The following ATP8A2 variants were observed in gnomAD, a reference collection of about 807,000 sequenced individuals.
ATP8A2 encodes ATPase phospholipid transporting 8A2.
ATP8A2 carries 100 observed loss-of-function variants against 165.6 expected under a neutral mutation model. The ratio of observed to expected loss-of-function variants is 0.60; its 90% CI spans 0.51 to 0.71. The LOEUF (loss-of-function observed/expected upper bound fraction) is 0.71, where lower values mean the gene tolerates loss of function less well. Among genes scored for constraint, ATP8A2 ranks in the 30% least tolerant of loss-of-function variants. ATP8A2 has a pLI of 0.00. For missense variants in ATP8A2, 1,227 were observed against 1,479.5 expected, an observed-to-expected ratio of 0.83 and a Z score of 2.80; for synonymous variants, 543 against 548.8, an observed-to-expected ratio of 0.99 and a Z score of 0.15.
chr13:25,465,666 T>TCTTCCTTC (rs1491248215), intron 1 of ATP8A2, among the ~76,000 whole-genome samples: 288 of 4,392 alleles, frequency 0.066, 14 homozygotes, highest in Middle Eastern at 0.25. Context: ...TGCAGAGTTT[T>TCTTCCTTC]CTTTCTTTCT....
chr13:25,952,180 A>G (rs1293793423), intron 33 of ATP8A2, among the ~76,000 whole-genome samples: 1 of 152,124 alleles, frequency 6.6e-6, no homozygotes, highest in Non-Finnish European at 1.5e-5. Context: ...AATACGTTGA[A>G]CTGAGATGCC....
At position 25,372,317 on chromosome 13, in the gene ATP8A2, G is replaced by A; in HGVS notation, c.76+29G>A. 2.1e-6 allele frequency: 3 copies of A among 1,437,244 alleles called. No individual in the cohort carries two copies. The highest frequency in any genetic ancestry group is 1.5e-5 in the African/African-American group (1 of 66,896). The allele number at this position is 1,437,244 out of a possible 1,614,324, so 89.0% of individuals were successfully genotyped here. On this transcript the variant is annotated intron_variant, in intron 1 of 36. Transcript: ENST00000381655. This position sits in a 1 kb window ranked among gnomAD's most constrained non-coding sequence, Gnocchi z 4.8. Reference sequence around the variant, plus strand: ...AGCTGGGAGGGGCGCGGCGAGGGAGGGTGGGCCCGGGGCGGGGGCGGCGCG... The same window carrying A: ...AGCTGGGAGGGGCGCGGCGAGGGAGAGTGGGCCCGGGGCGGGGGCGGCGCG...
intron 2 of ATP8A2, among the ~76,000 whole-genome samples, chr13:25,506,699 G>C (rs1315372482): frequency 2.6e-5 from 4 of 152,136 alleles, no homozygotes; most frequent in Admixed American, 6.5e-5. Context: ...CTGTGACACT[G>C]TGACACTATA....
At chr13:25,535,447 G>A (rs2038247359) in intron 6 of ATP8A2, among the ~76,000 whole-genome samples, 1 of 152,124 alleles carries the variant, frequency 6.6e-6, no homozygotes, top group African/African-American at 2.4e-5. Flanking sequence ...TCAGGGATCT[G>A]GAAGGTTTCT....
chr13:25,726,791 C>T (rs1483175361), intron 25 of ATP8A2, among the ~76,000 whole-genome samples: 2 of 152,092 alleles, frequency 1.3e-5, no homozygotes, highest in East Asian at 1.9e-4. Flanking sequence ...ACTACAGTTG[C>T]CTTGAAAGGA....
At chr13:25,775,783 A>G (rs1051362190) in intron 27 of ATP8A2, among the ~76,000 whole-genome samples, 1 of 152,168 alleles carries the variant, frequency 6.6e-6, no homozygotes, top group Non-Finnish European at 1.5e-5. Context: ...ACTATGGGTT[A>G]TTTTATATCT....
chr13:25,848,572 A>G (rs55913934), intron 30 of ATP8A2, among the ~76,000 whole-genome samples: 17,905 of 152,284 alleles, frequency 0.12, 1,438 homozygotes, highest in Non-Finnish European at 0.18. Flanking sequence ...CAAAAGTGAA[A>G]AAAGAGAAAG....
At chr13:25,590,294 A>G (rs1472887972) in intron 24 of ATP8A2, among the ~76,000 whole-genome samples, 1 of 152,088 alleles carries the variant, frequency 6.6e-6, no homozygotes, top group African/African-American at 2.4e-5. Flanking sequence ...CCGTGGTGGC[A>G]TATGCCTGTA....
chr13:26,000,435 CAA>C (rs1258323651), intron 35 of ATP8A2, among the ~76,000 whole-genome samples: 2 of 152,148 alleles, frequency 1.3e-5, no homozygotes, highest in Non-Finnish European at 2.9e-5. Flanking sequence ...AATGTGGACA[CAA>C]GAGTTTATTT....
At chr13:25,907,364 AAAATAAAATAAAAT>A (rs1371640985) in intron 33 of ATP8A2, among the ~76,000 whole-genome samples, 2 of 75,574 alleles carry the variant, frequency 2.6e-5, no homozygotes, top group African/African-American at 1.3e-4. Flanking sequence ...AATAAATAAA[AAAATAAAATAAAAT>A]AAAATAAAAT....
At chr13:25,833,443 T>C (rs892287793) in intron 28 of ATP8A2, among the ~76,000 whole-genome samples, 2 of 152,134 alleles carry the variant, frequency 1.3e-5, no homozygotes, top group Non-Finnish European at 2.9e-5. Context: ...AGTAGACTTA[T>C]TTTTACTAAA....
chr13:25,543,408 A>G lies in ATP8A2; in HGVS notation c.891+6A>G. 1 of 1,540,778 alleles carries G rather than the reference A, an allele frequency of 6.5e-7. No individual in the cohort carries two copies. Among genetic ancestry groups the G allele is most frequent in the African/African-American group, 1.4e-5 (1 of 73,490 alleles). ...ACGACACCAAACTCATGCAGGTAAA[A>G]CATTTCTATGCTGATTTCAGTCTTT... On this transcript the variant is annotated splice_donor_region_variant and intron_variant, in intron 10 of 36. Transcript: ENST00000381655.
intron 25 of ATP8A2, among the ~76,000 whole-genome samples, chr13:25,762,738 G>A (rs2044408894): frequency 6.6e-6 from 1 of 152,028 alleles, no homozygotes; most frequent in African/African-American, 2.4e-5. Context: ...GGAAAGGGAG[G>A]GATAGAAAAG....
chr13:25,935,831 A>C (rs917758304), intron 33 of ATP8A2, among the ~76,000 whole-genome samples: 1 of 113,428 alleles, frequency 8.8e-6, no homozygotes, highest in African/African-American at 2.7e-5. Context: ...AAACTATATC[A>C]CTCCCCAAAT....
intron 25 of ATP8A2, among the ~76,000 whole-genome samples, chr13:25,744,490 G>C (rs796910627): frequency 3.3e-5 from 5 of 152,168 alleles, no homozygotes; most frequent in African/African-American, 1.2e-4. Context: ...GAACTAAAGC[G>C]GGGGGAGGGG....
At chr13:25,966,654 A>C (rs977853203) in intron 34 of ATP8A2, among the ~76,000 whole-genome samples, 3 of 152,186 alleles carry the variant, frequency 2.0e-5, no homozygotes, top group African/African-American at 7.2e-5. Context: ...TAACTCTTGA[A>C]TATGGGCGCA....
intron 24 of ATP8A2, among the ~76,000 whole-genome samples, chr13:25,591,871 C>T (rs563098307): frequency 1.4e-3 from 216 of 152,246 alleles, no homozygotes; most frequent in African/African-American, 4.9e-3. Flanking sequence ...TTTTGAGATC[C>T]TGCTTCTAAT....
intron 24 of ATP8A2, among the ~76,000 whole-genome samples, chr13:25,670,328 C>G (rs1354132804): frequency 6.6e-6 from 1 of 152,086 alleles, no homozygotes. Flanking sequence ...ATTCAGGCAG[C>G]CTTTTCTGCC....
intron 25 of ATP8A2, among the ~76,000 whole-genome samples, chr13:25,743,018 A>C (rs186581632): frequency 7.3e-4 from 111 of 152,212 alleles, no homozygotes; most frequent in Non-Finnish European, 1.2e-3. Flanking sequence ...CTTATGTCAA[A>C]GTCCTAACCT....
Sources: allele counts gnomAD v4.1 joint callset (sites outside exome capture counted in the v4.1 genomes callset), GRCh38; gene constraint gnomAD v4.1.1; non-coding constraint Gnocchi (gnomAD v3.1); transcripts MANE v1.5; gene names NCBI Gene and HGNC (gene_info 2026-07-23, HGNC 2026-07-21).